AP2B1: variants seen among roughly 807,000 people sequenced by gnomAD.
AP2B1 encodes the protein adaptor related protein complex 2 subunit beta 1.
Under a neutral mutation model 102.0 loss-of-function variants are expected in AP2B1, and 23 were observed. That is an observed-to-expected ratio of 0.23 (90% CI 0.16 to 0.32). The LOEUF is 0.32. AP2B1 is among the 10% of genes least tolerant of loss of function. The probability of loss-of-function intolerance (pLI) is 1.00; values close to 1 mark genes in which losing one functional copy is unlikely to be tolerated. For synonymous variants in AP2B1, 381 were observed against 421.2 expected, an observed-to-expected ratio of 0.90 and a Z score of 1.17; for missense variants, 541 against 1,157.4, an observed-to-expected ratio of 0.47 and a Z score of 7.73.
chr17:35,611,636 C>T (rs928221762), intron 5 of AP2B1, among the ~76,000 whole-genome samples: 4 of 152,090 alleles, frequency 2.6e-5, no homozygotes, highest in African/African-American at 4.8e-5. Flanking sequence ...TCATCTAGTC[C>T]ATAAAATCAG....
chr17:35,649,238 A>AAT (rs1208277794), intron 12 of AP2B1, among the ~76,000 whole-genome samples: 2 of 152,166 alleles, frequency 1.3e-5, no homozygotes, highest in Non-Finnish European at 2.9e-5. Context: ...ATATGTTATT[A>AAT]ATAAGCCTGC....
At chr17:35,660,168 A>G in intron 14 of AP2B1, 1 of 777,106 alleles carries the variant, frequency 1.3e-6, no homozygotes, top group South Asian at 5.8e-5. Context: ...GTTTGTGGAA[A>G]TGGGTTCTCA....
At chr17:35,604,107 A>AG (rs954950794) in intron 3 of AP2B1, among the ~76,000 whole-genome samples, 1 of 151,970 alleles carries the variant, frequency 6.6e-6, no homozygotes, top group Admixed American at 6.6e-5. Context: ...AATTATTGTT[A>AG]TTTTTTATTT....
At chr17:35,710,116 C>G in intron 19 of AP2B1, 118 bp from the exon 20 acceptor site, 1 of 735,248 alleles carries the variant, frequency 1.4e-6, no homozygotes, top group Non-Finnish European at 2.5e-6. Flanking sequence ...CATTCCCAGC[C>G]TGCTGCTAGC....
intron 20 of AP2B1, among the ~76,000 whole-genome samples, chr17:35,714,776 T>C (rs2076519588): frequency 6.6e-6 from 1 of 152,194 alleles, no homozygotes; most frequent in East Asian, 1.9e-4. Flanking sequence ...GTAACTATAT[T>C]TGACCATCTT....
rs1039413859 is a variant in AP2B1 at position 35,723,781 on chromosome 17, G to A, written c.*82G>A. The A allele has an allele frequency of 7.2e-5, 79 of 1,089,750 alleles. No homozygotes were observed. The highest frequency in any genetic ancestry group is 6.7e-4 in the African/African-American group (43 of 64,616). 67.5% of individuals were successfully genotyped at this position (1,089,750 alleles called of 1,614,324 possible). On this transcript the variant is annotated 3_prime_UTR_variant, in exon 22 of 22. Transcript: ENST00000610402. ...TAACTGGAAGAAATTGTATTGCTGC[G>A]TAGAATCTGAACACACTGAGGCCAC...
At chr17:35,591,017 T>C (rs2073077950) in intron 1 of AP2B1, among the ~76,000 whole-genome samples, 1 of 151,820 alleles carries the variant, frequency 6.6e-6, no homozygotes, top group South Asian at 2.1e-4. Flanking sequence ...TCTACTAAAA[T>C]ACAAAAATTA....
chr17:35,675,208 C>T (rs1382882595), intron 17 of AP2B1, among the ~76,000 whole-genome samples: 2 of 152,174 alleles, frequency 1.3e-5, no homozygotes, highest in East Asian at 3.8e-4. Flanking sequence ...GGGTTTTATT[C>T]AGTTTTATGG....
At chr17:35,657,465 TA>T in intron 13 of AP2B1, 133 bp from the exon 14 acceptor site, 1 of 591,794 alleles carries the variant, frequency 1.7e-6, no homozygotes, top group Middle Eastern at 4.1e-4. Flanking sequence ...AACAAATGGT[TA>T]TAAAATCAGA....
chr17:35,627,148 GTTC>G (rs2074336414), intron 7 of AP2B1, among the ~76,000 whole-genome samples: 2 of 148,788 alleles, frequency 1.3e-5, no homozygotes, highest in Admixed American at 1.3e-4. Context: ...TGTTCTAGCA[GTTC>G]TTCATGGCAA....
intron 18 of AP2B1, among the ~76,000 whole-genome samples, chr17:35,704,271 C>T (rs1257962565): frequency 6.6e-6 from 1 of 152,106 alleles, no homozygotes; most frequent in Non-Finnish European, 1.5e-5. Context: ...CCTTTCTTAG[C>T]ATGTAGATAT....
chr17:35,591,482 T>G (rs1189485025), intron 1 of AP2B1, among the ~76,000 whole-genome samples: 1 of 152,166 alleles, frequency 6.6e-6, no homozygotes, highest in East Asian at 1.9e-4. Flanking sequence ...CAAAAAAAAT[T>G]TAATATGTGT....
At chr17:35,603,898 A>G (rs1475187127) in intron 3 of AP2B1, among the ~76,000 whole-genome samples, 1 of 152,140 alleles carries the variant, frequency 6.6e-6, no homozygotes, top group East Asian at 1.9e-4. Context: ...GGTTCTTGCT[A>G]TTGTGTCTGC....
At chr17:35,649,626 A>T (rs920189124) in intron 12 of AP2B1, among the ~76,000 whole-genome samples, 2 of 152,190 alleles carry the variant, frequency 1.3e-5, no homozygotes, top group Non-Finnish European at 2.9e-5. Context: ...CTTTTGCCAG[A>T]TTAAACATTG....
Position 35,694,100 on chromosome 17 carries a change from T to A in AP2B1, c.2454+11276T>A, listed in dbSNP as rs1474213071. On this transcript the variant is annotated intron_variant, in intron 18 of 21. Coordinates refer to ENST00000610402, the MANE Select transcript of AP2B1 (RefSeq NM_001030006.2). Reference sequence around the variant, plus strand: ...TTCATTGACACCAATTACTGCCTATTATTACTGAAGTTTGTTCTTTTATTG... The same window carrying A: ...TTCATTGACACCAATTACTGCCTATAATTACTGAAGTTTGTTCTTTTATTG... 2.0e-5 allele frequency among the ~76,000 whole-genome samples: 3 copies of A among 152,260 alleles called. No homozygotes were observed. In the East Asian group the frequency reaches 5.8e-4, roughly 29 times the overall value.
chr17:35,666,609 TG>T (rs1252645971), intron 14 of AP2B1, among the ~76,000 whole-genome samples: 12 of 152,146 alleles, frequency 7.9e-5, no homozygotes, highest in Admixed American at 7.9e-4. Context: ...AAGGCAATCC[TG>T]GGAACAATAG....
chr17:35,614,335 C>T (rs2073951453), intron 5 of AP2B1, among the ~76,000 whole-genome samples: 1 of 152,172 alleles, frequency 6.6e-6, no homozygotes, highest in African/African-American at 2.4e-5. Context: ...CAGGCATATG[C>T]TACCATGCCC....
chr17:35,647,470 C>G (rs966446662), intron 12 of AP2B1, among the ~76,000 whole-genome samples: 1 of 151,788 alleles, frequency 6.6e-6, no homozygotes, highest in Non-Finnish European at 1.5e-5. Flanking sequence ...CCGGGCATTT[C>G]AAATACTAGA....
At chr17:35,672,031 A>G in intron 16 of AP2B1, 131 bp downstream of exon 16, 1 of 988,218 alleles carries the variant, frequency 1.0e-6, no homozygotes, top group Non-Finnish European at 1.4e-6. Flanking sequence ...GACTTAGAGG[A>G]AGATGAAAGG....
Sources: allele counts gnomAD v4.1 joint callset (sites outside exome capture counted in the v4.1 genomes callset), GRCh38; gene constraint gnomAD v4.1.1; transcripts MANE v1.5; gene names NCBI Gene and HGNC (gene_info 2026-07-23, HGNC 2026-07-21).